The following CWH43 variants were observed in gnomAD, a reference collection of about 807,000 sequenced individuals.
CWH43 encodes the protein PGAP2-interacting protein.
Under a neutral mutation model 85.7 loss-of-function variants are expected in CWH43, and 91 were observed. The observed-to-expected ratio is 1.06, with a 90% CI of 0.90 to 1.26. The LOEUF (loss-of-function observed/expected upper bound fraction) is 1.26, where lower values mean the gene tolerates loss of function less well. Ranked by LOEUF, CWH43 falls within the 50% of genes most tolerant of loss-of-function variation. The probability of loss-of-function intolerance (pLI) is 0.00; values close to 1 mark genes in which losing one functional copy is unlikely to be tolerated. For synonymous variants in CWH43, 323 were observed against 293.6 expected (o/e 1.10, Z -1.02); for missense variants, 869 against 839.2 (o/e 1.04, Z -0.44).
intron 9 of CWH43, 78 bp from the exon 10 acceptor site, chr4:49,028,551 G>C: frequency 1.2e-6 from 1 of 848,116 alleles, no homozygotes; most frequent in Non-Finnish European, 1.9e-6. Context: ...ATTTGGTAGA[G>C]AGGAGTGGAG....
intron 9 of CWH43, among the ~76,000 whole-genome samples, chr4:49,025,038 G>C (rs1407717074): frequency 6.6e-6 from 1 of 151,746 alleles, no homozygotes; most frequent in Non-Finnish European, 1.5e-5. Flanking sequence ...TGGAGGCTTT[G>C]TTTATCTTTT....
In CWH43 at chr4:49,050,654, A is replaced by G. The variant is rs773317796; in HGVS notation, c.1866-40A>G. On this transcript the variant is annotated intron_variant, in intron 14 of 15. Coordinates refer to ENST00000226432, the MANE Select transcript of CWH43 (RefSeq NM_025087.3). ...TTGGATCTCGTTAGATTTCTATACA[A>G]TAATAAAACTGTTACAAACCATTTC... 17 of 1,556,656 alleles carry G rather than the reference A, an allele frequency of 1.1e-5. No individual in the cohort carries two copies. The South Asian group carries it at 1.7e-4, about 15-fold the overall frequency.
chr4:49,044,055 G>A (rs1677735271), intron 13 of CWH43, among the ~76,000 whole-genome samples: 1 of 152,118 alleles, frequency 6.6e-6, no homozygotes, highest in Non-Finnish European at 1.5e-5. Flanking sequence ...GTGGTGAAAA[G>A]TCAGGTATAT....
chr4:49,051,152 G>A (rs1333144079), intron 15 of CWH43, among the ~76,000 whole-genome samples: 2 of 152,142 alleles, frequency 1.3e-5, no homozygotes, highest in Non-Finnish European at 2.9e-5. Context: ...GTATTTGAAT[G>A]CTCCTATGTC....
At chr4:49,041,483 A>G (rs985330235) in intron 13 of CWH43, among the ~76,000 whole-genome samples, 18 of 151,922 alleles carry the variant, frequency 1.2e-4, no homozygotes, top group African/African-American at 3.1e-4. Flanking sequence ...TGGATTCCTA[A>G]GTATTTTATT....
chr4:49,052,663 T>G (rs2605232), intron 15 of CWH43, among the ~76,000 whole-genome samples: 59,509 of 152,000 alleles, frequency 0.39, 13,140 homozygotes, highest in Non-Finnish European at 0.5. Flanking sequence ...TGCAGATTGA[T>G]CCAAACCAAC....
At chr4:49,058,895 CTT>C (rs1434405978) in intron 15 of CWH43, among the ~76,000 whole-genome samples, 1 of 152,038 alleles carries the variant, frequency 6.6e-6, no homozygotes. Context: ...GCAAAATTTT[CTT>C]TTTGTCTTTG....
intron 9 of CWH43, among the ~76,000 whole-genome samples, chr4:49,020,416 C>CACAGACACACACACATAT (rs140534523): frequency 1.6e-5 from 2 of 128,340 alleles, no homozygotes; most frequent in Admixed American, 1.8e-4. Flanking sequence ...CACACACACA[C>CACAGACACACACACATAT]ATATATATAT....
chr4:49,019,810 C>T (rs1783681717), intron 9 of CWH43, among the ~76,000 whole-genome samples: 2 of 152,114 alleles, frequency 1.3e-5, no homozygotes, highest in African/African-American at 4.8e-5. Flanking sequence ...AAACTCCTGA[C>T]CTCAAGTTAT....
intron 5 of CWH43, among the ~76,000 whole-genome samples, chr4:48,995,579 T>G (rs1479857967): frequency 6.6e-6 from 1 of 152,176 alleles, no homozygotes; most frequent in African/African-American, 2.4e-5. Flanking sequence ...TCTGGGCATA[T>G]CCCACAGGCT....
chr4:49,017,037 A>T, intron 8 of CWH43: 1 of 755,394 alleles, frequency 1.3e-6, no homozygotes, highest in East Asian at 2.5e-5. Context: ...GGGAGAGCAA[A>T]CCACCTCAGC....
At chr4:49,055,063 G>A (rs936906916) in intron 15 of CWH43, among the ~76,000 whole-genome samples, 11 of 152,100 alleles carry the variant, frequency 7.2e-5, no homozygotes, top group South Asian at 2.1e-4. Flanking sequence ...AGTGCTGAGA[G>A]TGGGCATCCT....
At chr4:49,048,614 C>T (rs1328543577) in intron 14 of CWH43, among the ~76,000 whole-genome samples, 1 of 151,872 alleles carries the variant, frequency 6.6e-6, no homozygotes, top group Non-Finnish European at 1.5e-5. Flanking sequence ...TTGCCATGTG[C>T]CCACATGGCC....
intron 13 of CWH43, among the ~76,000 whole-genome samples, chr4:49,041,451 G>A (rs190316685): frequency 7.9e-5 from 12 of 152,036 alleles, no homozygotes; most frequent in Admixed American, 1.3e-4. Flanking sequence ...CCTTGAAGAG[G>A]TCCTTCACAT....
chr4:49,036,248 G>A (rs1454569758), intron 12 of CWH43, among the ~76,000 whole-genome samples: 5 of 152,144 alleles, frequency 3.3e-5, no homozygotes, highest in African/African-American at 1.2e-4. Context: ...CAGCAGAGAA[G>A]GAAGTCCAGG....
intron 15 of CWH43, among the ~76,000 whole-genome samples, chr4:49,054,908 A>G (rs1159117255): frequency 1.3e-5 from 2 of 151,004 alleles, no homozygotes; most frequent in Admixed American, 6.6e-5. Context: ...TTTTCAGTGG[A>G]GTTTTTAGGG....
At chr4:49,018,678 T>C (rs1162687634) in intron 9 of CWH43, among the ~76,000 whole-genome samples, 1 of 152,216 alleles carries the variant, frequency 6.6e-6, no homozygotes, top group African/African-American at 2.4e-5. Flanking sequence ...ATCTAGTGTG[T>C]TTCATAATGC....
At chr4:49,041,627 G>T (rs1009861213) in intron 13 of CWH43, among the ~76,000 whole-genome samples, 1 of 152,186 alleles carries the variant, frequency 6.6e-6, no homozygotes, top group Non-Finnish European at 1.5e-5. Context: ...TTGCTCATCC[G>T]CTTAAGGAGA....
At chr4:49,019,510 G>A (rs1783671205) in intron 9 of CWH43, among the ~76,000 whole-genome samples, 1 of 152,084 alleles carries the variant, frequency 6.6e-6, no homozygotes, top group Non-Finnish European at 1.5e-5. Flanking sequence ...GTAGAACACA[G>A]TGAGAAGTGC....
Sources: gnomAD v4.1 joint callset for allele counts (sites outside exome capture counted in the v4.1 genomes callset) on GRCh38, gnomAD v4.1.1 for gene constraint, MANE v1.5 for transcripts, NCBI Gene and HGNC (gene_info 2026-07-23, HGNC 2026-07-21) for gene names.